Variants in FARS2 observed in about 807,000 individuals in gnomAD.
The protein encoded by FARS2 is phenylalanyl-tRNA synthetase 2, mitochondrial, also known as phenylalanine--tRNA ligase, mitochondrial.
In FARS2, 40 loss-of-function variants were observed where a neutral mutation model predicts 46.4. The observed-to-expected ratio is 0.86, with a 90% CI of 0.67 to 1.12. The LOEUF (loss-of-function observed/expected upper bound fraction) is 1.12, where lower values mean the gene tolerates loss of function less well. Ranked by LOEUF, FARS2 falls within the 50% of genes most tolerant of loss-of-function variation. The pLI is 0.00. For missense variants in FARS2, 513 were observed against 567.9 expected (o/e 0.90, Z 0.98); for synonymous variants, 234 against 214.9 (o/e 1.09, Z -0.78).
At chr6:5,268,699 G>T (rs551036389) in intron 1 of FARS2, among the ~76,000 whole-genome samples, 4 of 152,114 alleles carry the variant, frequency 2.6e-5, no homozygotes, top group Admixed American at 2.6e-4. Flanking sequence ...TCTTTTTTGG[G>T]TCATATGAAC....
chr6:5,510,170 C>G (rs964616420), intron 4 of FARS2, among the ~76,000 whole-genome samples: 2 of 151,926 alleles, frequency 1.3e-5, no homozygotes, highest in East Asian at 3.9e-4. Flanking sequence ...TCTATTTAAA[C>G]AAAGATTTTG....
chr6:5,573,697 G>A (rs751348196), intron 5 of FARS2, among the ~76,000 whole-genome samples: 3 of 152,058 alleles, frequency 2.0e-5, no homozygotes, highest in Non-Finnish European at 2.9e-5. Context: ...CTCCGACAAC[G>A]TTTAAGTGCC....
intron 5 of FARS2, among the ~76,000 whole-genome samples, chr6:5,547,342 C>T (rs1413164981): frequency 6.6e-6 from 1 of 151,408 alleles, no homozygotes; most frequent in Admixed American, 6.6e-5. Flanking sequence ...CCTTCCTAAT[C>T]ATGGCTTACA....
intron 2 of FARS2, among the ~76,000 whole-genome samples, chr6:5,389,392 C>T (rs565796638): frequency 6.6e-5 from 10 of 152,270 alleles, no homozygotes; most frequent in African/African-American, 2.2e-4. Flanking sequence ...ACAGCCTGGA[C>T]TCTTAGTTAT....
At chr6:5,543,179 T>C (rs1770736430) in intron 4 of FARS2, among the ~76,000 whole-genome samples, 1 of 152,220 alleles carries the variant, frequency 6.6e-6, no homozygotes, top group Non-Finnish European at 1.5e-5. Context: ...CTGTAGCTTA[T>C]AGCCTGTGTT....
intron 6 of FARS2, among the ~76,000 whole-genome samples, chr6:5,670,632 C>T (rs1373820768): frequency 6.6e-6 from 1 of 152,194 alleles, no homozygotes; most frequent in African/African-American, 2.4e-5. Context: ...CTTTTAGAAA[C>T]AGTCTCTTCC....
intron 4 of FARS2, among the ~76,000 whole-genome samples, chr6:5,459,382 T>TTG (rs1163925403): frequency 1.3e-5 from 2 of 152,038 alleles, no homozygotes; most frequent in Admixed American, 6.5e-5. Flanking sequence ...TTTATGATTT[T>TTG]TTTTTTGACC....
intron 1 of FARS2, among the ~76,000 whole-genome samples, chr6:5,298,706 GACC>G (rs1250691627): frequency 6.6e-6 from 1 of 152,002 alleles, no homozygotes; most frequent in Non-Finnish European, 1.5e-5. Flanking sequence ...CAAGATGTGG[GACC>G]ACTACTGTAA....
intron 3 of FARS2, among the ~76,000 whole-genome samples, chr6:5,418,874 T>A (rs1010841868): frequency 8.0e-5 from 12 of 150,062 alleles, no homozygotes; most frequent in Middle Eastern, 3.5e-3. Flanking sequence ...TATTTGTCTT[T>A]TTATTATTAT....
chr6:5,315,741 C>CTTTCTTTCTTTCTTTCTTTCTTCCTTT (rs755531154), intron 1 of FARS2, among the ~76,000 whole-genome samples: 1 of 60,004 alleles, frequency 1.7e-5, no homozygotes, highest in African/African-American at 4.5e-5. Flanking sequence ...TTTCTTTTTT[C>CTTTCTTTCTTTCTTTCTTTCTTCCTTT]CTTTCTTTCT....
intron 5 of FARS2, among the ~76,000 whole-genome samples, chr6:5,575,450 C>G (rs1170948340): frequency 6.6e-6 from 1 of 152,180 alleles, no homozygotes; most frequent in Admixed American, 6.5e-5. Flanking sequence ...TATTTGAGAG[C>G]AAATGGGAGA....
At chr6:5,658,615 A>T (rs1777711027) in intron 6 of FARS2, among the ~76,000 whole-genome samples, 1 of 152,236 alleles carries the variant, frequency 6.6e-6, no homozygotes, top group Non-Finnish European at 1.5e-5. Context: ...CATAGCCATG[A>T]TGGCATTTAT....
chr6:5,673,339 C>T (rs917455686), intron 6 of FARS2, among the ~76,000 whole-genome samples: 1 of 152,180 alleles, frequency 6.6e-6, no homozygotes, highest in African/African-American at 2.4e-5. Flanking sequence ...ACCTGCTTCC[C>T]CACTTCTGCC....
chr6:5,281,964 T>C (rs1031062783), intron 1 of FARS2, among the ~76,000 whole-genome samples: 5 of 152,206 alleles, frequency 3.3e-5, no homozygotes, highest in African/African-American at 1.2e-4. Flanking sequence ...TAAAATGGAC[T>C]GTCTTGAGTA....
At chr6:5,760,753 C>T (rs969570730) in intron 6 of FARS2, among the ~76,000 whole-genome samples, 12 of 152,192 alleles carry the variant, frequency 7.9e-5, no homozygotes, top group African/African-American at 1.4e-4. Flanking sequence ...CTGTGCTCTC[C>T]GCAGAAAGGG....
Position 5,264,470 on chromosome 6 carries a change from G to A in FARS2, c.-22+2810G>A, listed in dbSNP as rs958294763. 1.1e-4 allele frequency among the ~76,000 whole-genome samples: 16 copies of A among 151,810 alleles called. No individual in the cohort carries two copies. The South Asian group carries it at 2.5e-3, about 24-fold the overall frequency. On this transcript the variant is annotated intron_variant, in intron 1 of 6. Transcript: ENST00000274680. ...TATTGAACACTTCCTAAGTACTATA[G>A]GTTATGGTTTTTCTTTTCTTTTTTC...
chr6:5,616,506 C>T (rs1775486933), intron 6 of FARS2, among the ~76,000 whole-genome samples: 1 of 152,110 alleles, frequency 6.6e-6, no homozygotes, highest in African/African-American at 2.4e-5. Context: ...TGGATCTTCT[C>T]AGATGTTGGA....
At chr6:5,690,993 C>G (rs544124712) in intron 6 of FARS2, among the ~76,000 whole-genome samples, 5 of 152,202 alleles carry the variant, frequency 3.3e-5, no homozygotes, top group Non-Finnish European at 7.3e-5. Flanking sequence ...ATCGAATCGG[C>G]TACCGAGGCT....
chr6:5,757,363 G>A (rs1376783776), intron 6 of FARS2, among the ~76,000 whole-genome samples: 1 of 151,954 alleles, frequency 6.6e-6, no homozygotes, highest in African/African-American at 2.4e-5. Context: ...CTAACTGAGG[G>A]AGTAGTTAGG....
Sources: allele counts gnomAD v4.1 joint callset (sites outside exome capture counted in the v4.1 genomes callset), GRCh38; gene constraint gnomAD v4.1.1; transcripts MANE v1.5; gene names NCBI Gene and HGNC (gene_info 2026-07-23, HGNC 2026-07-21).